SOX17: variants seen among roughly 807,000 people sequenced by gnomAD.
SOX17 encodes the protein SRY-box transcription factor 17.
In SOX17, 4 loss-of-function variants were observed where a neutral mutation model predicts 16.0. That is an observed-to-expected ratio of 0.25 (90% CI 0.12 to 0.57). The LOEUF is 0.57. Ranked by LOEUF, SOX17 falls within the 20% of genes least tolerant of loss-of-function variation. SOX17 has a pLI of 0.92. For missense variants in SOX17, 633 were observed against 609.7 expected (o/e 1.04, Z -0.40); for synonymous variants, 357 against 284.6 (o/e 1.25, Z -2.56).
rs1804717407 is a variant in SOX17 at position 54,460,033 on chromosome 8, A to G, written c.*38A>G. 6.2e-7 allele frequency: 1 copy of G among 1,602,758 alleles called. No homozygotes were observed. The highest frequency in any genetic ancestry group is 1.7e-5 in the Admixed American group (1 of 60,002). ...CCGCCCCAGCCTGCAGGCCAGAAGCAGTGTTACACACTTCCTGGAGGAGCT... is the reference window on the plus strand; with the variant it reads ...CCGCCCCAGCCTGCAGGCCAGAAGCGGTGTTACACACTTCCTGGAGGAGCT... On this transcript the variant is annotated 3_prime_UTR_variant, in exon 2 of 2. Coordinates refer to ENST00000297316, the MANE Select transcript of SOX17 (RefSeq NM_022454.4).
rs1191171618 is a variant in SOX17, at chr8:54,459,966, G to A, written c.1216G>A (p.Val406Ile). 4.3e-6 allele frequency: 7 copies of A among 1,613,708 alleles called. No individual in the cohort carries two copies. Among genetic ancestry groups the A allele is most frequent in the African/African-American group, 2.7e-5 (2 of 74,958 alleles). The change falls in exon 2 of 2, where the codon GTA (valine) becomes ATA (isoleucine). Residue 406 changes from valine (V) to isoleucine (I), a missense_variant. Physicochemically the swap from Val to Ile is conservative, Grantham distance 29 (BLOSUM62 3). Transcript: ENST00000297316. The stretch of plus-strand genomic sequence containing the variant: ...GGTGGTGTCCGACGCCAGCTCCGCG[G>A]TATATTACTGCAACTATCCTGACGT... ...SSVVSDASSA[V>I]YYCNYPDV
Position 54,460,423 on chromosome 8 carries a change from T to A in SOX17, c.*428T>A. 6.9e-6 allele frequency: 2 copies of A among 288,228 alleles called. No homozygotes were observed. The allele number at this position is 288,228 out of a possible 1,614,324, so 17.9% of individuals were successfully genotyped here. On this transcript the variant is annotated 3_prime_UTR_variant, in exon 2 of 2. Transcript: ENST00000297316. ...CACACTAGTCTTATCAAAAACCAGT[T>A]CTTAAGATCAATGTTAAGTTTATTA...
At position 54,459,667 on chromosome 8, in the gene SOX17, G is replaced by T; in HGVS notation, c.917G>T (p.Gly306Val). The change falls in exon 2 of 2, where the codon GGC becomes GTC. Residue 306 changes from glycine (G) to valine (V), a missense_variant. By Grantham distance (109) the Gly-to-Val change is moderately radical (BLOSUM62 -3). Coordinates refer to ENST00000297316, the MANE Select transcript of SOX17 (RefSeq NM_022454.4). ...GGCGCGATGGGCTCGCCCGGGGCGG[G>T]CGGCGGGCGCGGCTTCCAGATGCAG... ...YYGAMGSPGA[G>V]GGRGFQMQPQ... 6.5e-7 allele frequency: 1 copy of T among 1,536,100 alleles called. No homozygotes were observed.
chr8:54,459,678 G>C lies in SOX17; in HGVS notation c.928G>C (p.Gly310Arg). ...CTCGCCCGGGGCGGGCGGCGGGCGCGGCTTCCAGATGCAGCCGCAACACCA... is the reference window on the plus strand; with the variant it reads ...CTCGCCCGGGGCGGGCGGCGGGCGCCGCTTCCAGATGCAGCCGCAACACCA... ...MGSPGAGGGR[G>R]FQMQPQHQHQ... The change falls in exon 2 of 2, where the codon GGC (glycine) becomes CGC (arginine). Residue 310 changes from glycine to arginine, a missense_variant. Physicochemically the swap from Gly to Arg is moderately radical, Grantham distance 125. Transcript: ENST00000297316. 1 of 1,537,714 alleles carries C rather than the reference G, an allele frequency of 6.5e-7. No homozygotes were observed. Among genetic ancestry groups the C allele is most frequent in the Non-Finnish European group, 8.7e-7 (1 of 1,146,422 alleles).
Position 54,460,639 on chromosome 8 carries a change from G to A in SOX17, c.*644G>A. Reference sequence around the variant, plus strand: ...CTAACAGTTAATATTTTCAATTCCAGTATATCACTTTAAGTAGAAGGGGAT... The same window carrying A: ...CTAACAGTTAATATTTTCAATTCCAATATATCACTTTAAGTAGAAGGGGAT... On this transcript the variant is annotated 3_prime_UTR_variant, in exon 2 of 2. Coordinates refer to ENST00000297316, the MANE Select transcript of SOX17 (RefSeq NM_022454.4). The A allele has an allele frequency of 4.3e-6, 1 of 232,160 alleles. No individual in the cohort carries two copies. 14.4% of individuals were successfully genotyped at this position (232,160 alleles called of 1,614,324 possible).
In SOX17 at chr8:54,460,655, A is replaced by G. The variant is rs984979583; in HGVS notation, c.*660A>G. ...TCAATTCCAGTATATCACTTTAAGTAGAAGGGGATGTCCAAGTAATTTTGG... is the reference window on the plus strand; with the variant it reads ...TCAATTCCAGTATATCACTTTAAGTGGAAGGGGATGTCCAAGTAATTTTGG... On this transcript the variant is annotated 3_prime_UTR_variant, in exon 2 of 2. Coordinates refer to ENST00000297316, the MANE Select transcript of SOX17 (RefSeq NM_022454.4). 4.3e-6 allele frequency: 1 copy of G among 231,122 alleles called. No homozygotes were observed. Among genetic ancestry groups the G allele is most frequent in the African/African-American group, 2.2e-5 (1 of 45,228 alleles). The allele number at this position is 231,122 out of a possible 1,614,324, so 14.3% of individuals were successfully genotyped here. A position where few individuals can be genotyped will look rare whatever the true frequency, so the allele number is the denominator to read the frequency against.
chr8:54,458,458 C>G lies in SOX17; in HGVS notation c.307+13C>G, dbSNP rs751002027. The G allele has an allele frequency of 3.0e-5, 48 of 1,612,422 alleles. No homozygotes were observed. The highest frequency in any genetic ancestry group is 4.1e-5 in the Non-Finnish European group (48 of 1,179,880). ...AGCAAGATGCTGGGTGAGTCCGAGT[C>G]GCAGACCCAGGCGGCCGGGCGCGCT... On this transcript the variant is annotated intron_variant, in intron 1 of 1. Transcript: ENST00000297316.
Position 54,458,259 on chromosome 8 carries a change from G to T in SOX17, c.121G>T (p.Asp41Tyr). The change falls in exon 1 of 2, where the codon GAC becomes TAC. Residue 41 changes from aspartate (D) to tyrosine (Y), a missense_variant. Coordinates refer to ENST00000297316, the MANE Select transcript of SOX17 (RefSeq NM_022454.4). Reference protein sequence around the residue: ...PWAESLSPIGDMKVKGEAPAN... With the variant: ...PWAESLSPIGYMKVKGEAPAN... ...GGCCGAGTCGCTGAGCCCCATCGGG[G>T]ACATGAAGGTGAAGGGCGAGGCGCC... 4 of 1,606,238 alleles carry T rather than the reference G, an allele frequency of 2.5e-6. No homozygotes were observed. Among genetic ancestry groups the T allele is most frequent in the Middle Eastern group, 1.7e-4 (1 of 6,018 alleles).
Position 54,459,942 on chromosome 8 carries a change from G to A in SOX17, c.1192G>A (p.Val398Met), listed in dbSNP as rs2129278400. 1 of 1,613,860 alleles carries A rather than the reference G, an allele frequency of 6.2e-7. No individual in the cohort carries two copies. Among genetic ancestry groups the A allele is most frequent in the Non-Finnish European group, 8.5e-7 (1 of 1,180,054 alleles). ...LPDSHGAISS[V>M]VSDASSAVYY... ...CGACAGCCACGGGGCCATTTCCTCG[G>A]TGGTGTCCGACGCCAGCTCCGCGGT... The change falls in exon 2 of 2, where the codon GTG (valine) becomes ATG (methionine). Residue 398 changes from valine (V) to methionine (M), a missense_variant. Val to Met is a conservative substitution (Grantham distance 21). This residue lies in a region of SOX17 where 479 missense variants were observed against 397.2 expected (regional missense o/e 1.21). Coordinates refer to ENST00000297316, the MANE Select transcript of SOX17 (RefSeq NM_022454.4).
At position 54,458,207 on chromosome 8, in the gene SOX17, G is replaced by A. The variant is rs922688218; in HGVS notation, c.69G>A (p.Val23=). Residue 23 remains valine (V), a synonymous_variant, in exon 1 of 2, where the codon GTG becomes GTA. Coordinates refer to ENST00000297316, the MANE Select transcript of SOX17 (RefSeq NM_022454.4). ...QSQTQSALPA[V]MAGLGPCPWA... The stretch of plus-strand genomic sequence containing the variant: ...AGACCCAGAGCGCGCTGCCCGCGGT[G>A]ATGGCCGGGCTGGGCCCCTGCCCCT... The A allele has an allele frequency of 2.5e-6, 4 of 1,593,366 alleles. No homozygotes were observed. In the East Asian group the frequency reaches 6.8e-5, roughly 27 times the overall value.
Position 54,459,302 on chromosome 8 carries a change from C to A in SOX17, c.552C>A (p.Pro184=). The part of the protein sequence containing the change: ...VAMDGLGLQF[P]EQGFPAGPPL... ...TGGACGGCCTGGGCCTCCAGTTCCC[C>A]GAGCAGGGCTTCCCCGCCGGCCCGC... Residue 184 remains proline, a synonymous_variant, in exon 2 of 2, where the codon CCC becomes CCA. Coordinates refer to ENST00000297316, the MANE Select transcript of SOX17 (RefSeq NM_022454.4). 1 of 1,515,510 alleles carries A rather than the reference C, an allele frequency of 6.6e-7. No individual in the cohort carries two copies. The allele number at this position is 1,515,510 out of a possible 1,614,324, so 93.9% of individuals were successfully genotyped here.
chr8:54,458,023 A>C lies in SOX17; in HGVS notation c.-116A>C. 8.1e-7 allele frequency: 1 copy of C among 1,239,062 alleles called. No homozygotes were observed. Among genetic ancestry groups the C allele is most frequent in the Non-Finnish European group, 1.1e-6 (1 of 938,668 alleles). The allele number at this position is 1,239,062 out of a possible 1,614,324, so 76.8% of individuals were successfully genotyped here. On this transcript the variant is annotated 5_prime_UTR_variant, in exon 1 of 2. Transcript: ENST00000297316. ...ACACGGGCGGCGGCTTCGGGCCGGGAGACCCGCGCAGCCCTCGGGGCATCT... is the reference window on the plus strand; with the variant it reads ...ACACGGGCGGCGGCTTCGGGCCGGGCGACCCGCGCAGCCCTCGGGGCATCT...
At position 54,459,827 on chromosome 8, in the gene SOX17, C is replaced by G. The variant is rs146312736; in HGVS notation, c.1077C>G (p.Asp359Glu). Residue 359 changes from aspartate (D) to glutamate (E), a missense_variant, in exon 2 of 2, where the codon GAC becomes GAG. Coordinates refer to ENST00000297316, the MANE Select transcript of SOX17 (RefSeq NM_022454.4). ...SQPAELLGEV[D>E]RTEFEQYLHF... Reference sequence around the variant, plus strand: ...CCGCCGAGCTCCTCGGGGAGGTGGACCGCACGGAATTTGAACAGTATCTGC... The same window carrying G: ...CCGCCGAGCTCCTCGGGGAGGTGGAGCGCACGGAATTTGAACAGTATCTGC... 477 of 1,613,182 alleles carry G rather than the reference C, an allele frequency of 3.0e-4. 2 individuals are homozygous for G. In the African/African-American group the frequency reaches 5.5e-3, roughly 19 times the overall value.
rs1804716009 is a variant in SOX17, at chr8:54,459,959, C to G, written c.1209C>G (p.Ser403Arg). 6.2e-7 allele frequency: 1 copy of G among 1,613,822 alleles called. No individual in the cohort carries two copies. The highest frequency in any genetic ancestry group is 8.5e-7 in the Non-Finnish European group (1 of 1,180,048). Residue 403 changes from serine (S) to arginine (R), a missense_variant, in exon 2 of 2, where the codon AGC becomes AGG. Ser to Arg is a moderately radical substitution (Grantham distance 110). Around this residue, in one of 5 missense-constraint regions of SOX17, gnomAD observed 479 missense variants for 397.2 expected, o/e 1.21. Transcript: ENST00000297316. ...TTTCCTCGGTGGTGTCCGACGCCAG[C>G]TCCGCGGTATATTACTGCAACTATC... Reference protein sequence around the residue: ...GAISSVVSDASSAVYYCNYPD... With the variant: ...GAISSVVSDARSAVYYCNYPD...
At position 54,458,070 on chromosome 8, in the gene SOX17, C is replaced by A. The variant is rs1375790594; in HGVS notation, c.-69C>A. ...ATCTCAGTGCCTCACTCCCCACCCC[C>A]TCCCCCGGGTCGGGGGAGGCGGCGC... On this transcript the variant is annotated 5_prime_UTR_variant, in exon 1 of 2. Coordinates refer to ENST00000297316, the MANE Select transcript of SOX17 (RefSeq NM_022454.4). 32 of 1,421,616 alleles carry A rather than the reference C, an allele frequency of 2.3e-5. No homozygotes were observed. The highest frequency in any genetic ancestry group is 2.8e-5 in the Non-Finnish European group (31 of 1,094,668). The allele number at this position is 1,421,616 out of a possible 1,614,324, so 88.1% of individuals were successfully genotyped here.
In SOX17 at chr8:54,459,660, G is replaced by C. The variant is rs756723008; in HGVS notation, c.910G>C (p.Gly304Arg). The C allele has an allele frequency of 7.8e-6, 12 of 1,536,430 alleles. No individual in the cohort carries two copies. The highest frequency in any genetic ancestry group is 2.4e-5 in the South Asian group (2 of 83,956). Residue 304 changes from glycine to arginine, a missense_variant, in exon 2 of 2, where the codon GGG becomes CGG. Gly to Arg is a moderately radical substitution (Grantham distance 125). Transcript: ENST00000297316. ...GTACTACGGCGCGATGGGCTCGCCC[G>C]GGGCGGGCGGCGGGCGCGGCTTCCA... ...HVYYGAMGSP[G>R]AGGGRGFQMQ...
intron 1 of SOX17, 45 bp from the exon 2 acceptor site, chr8:54,459,013 G>A (rs577724414): frequency 2.7e-6 from 4 of 1,506,962 alleles, no homozygotes; most frequent in East Asian, 5.1e-5. Context: ...CGGGAGCGCA[G>A]CCGATAAGCC....
At position 54,458,471 on chromosome 8, in the gene SOX17, G is replaced by GGCC. The variant is rs779155561; in HGVS notation, c.307+28_307+30dup. The GGCC allele has an allele frequency of 1.4e-4, 226 of 1,611,934 alleles. 1 individual carries two copies. The highest frequency in any genetic ancestry group is 1.8e-4 in the Non-Finnish European group (211 of 1,179,634). On this transcript the variant is annotated intron_variant, in intron 1 of 1. Coordinates refer to ENST00000297316, the MANE Select transcript of SOX17 (RefSeq NM_022454.4). Reference sequence around the variant, plus strand: ...GTGAGTCCGAGTCGCAGACCCAGGCGGCCGGGCGCGCTGGCGCGAATCGCT... The same window carrying GGCC: ...GTGAGTCCGAGTCGCAGACCCAGGCGGCCGCCGGGCGCGCTGGCGCGAATCGCT...
chr8:54,458,879 AC>A (rs1804681483), intron 1 of SOX17, among the ~76,000 whole-genome samples, 178 bp from the exon 2 acceptor site: 1 of 152,184 alleles, frequency 6.6e-6, no homozygotes. Flanking sequence ...CCTTTAGAGG[AC>A]GGGTGTTCCC....
Sources: gnomAD v4.1 joint callset for allele counts (sites outside exome capture counted in the v4.1 genomes callset) on GRCh38, gnomAD v4.1.1 for gene constraint, gnomAD v4.1.1 regional missense constraint, MANE v1.5 for transcripts, NCBI Gene and HGNC (gene_info 2026-07-23, HGNC 2026-07-21) for gene names.